Variants in SLC25A48 observed in about 807,000 individuals in gnomAD.
SLC25A48 encodes CTC-321K16.1.
In SLC25A48, 29 loss-of-function variants were observed where a neutral mutation model predicts 32.2. That is an observed-to-expected ratio of 0.90 (90% CI 0.67 to 1.23). The LOEUF is 1.23. Ranked by LOEUF, SLC25A48 falls within the 50% of genes most tolerant of loss-of-function variation. The pLI is 0.00. For synonymous variants in SLC25A48, 164 were observed against 172.3 expected (o/e 0.95, Z 0.38); for missense variants, 399 against 422.7 (o/e 0.94, Z 0.49).
intron 3 of SLC25A48, chr5:135,648,746 T>G (rs1306979848): frequency 6.6e-6 from 1 of 152,248 alleles, no homozygotes; most frequent in Non-Finnish European, 1.5e-5. Flanking sequence ...TGTAAATGAT[T>G]AAGATGCATT....
At chr5:135,659,331 G>A (rs1298112591) in intron 3 of SLC25A48, among the ~76,000 whole-genome samples, 2 of 152,172 alleles carry the variant, frequency 1.3e-5, no homozygotes, top group Non-Finnish European at 2.9e-5. Flanking sequence ...CAATCTCTTT[G>A]CTAAAGCATA....
chr5:135,598,934 G>C (rs2126882149), intron 1 of SLC25A48, among the ~76,000 whole-genome samples: 1 of 152,346 alleles, frequency 6.6e-6, no homozygotes, highest in South Asian at 2.1e-4. Flanking sequence ...AGCAAAAGTA[G>C]AGGGGAGTGC....
intron 2 of SLC25A48, among the ~76,000 whole-genome samples, chr5:135,634,528 C>T (rs1317347227): frequency 6.6e-6 from 1 of 152,202 alleles, no homozygotes; most frequent in Non-Finnish European, 1.5e-5. Context: ...CATGATTTCC[C>T]TAGGGAAACA....
chr5:135,784,626 T>C (rs1435883754), intron 3 of SLC25A48, among the ~76,000 whole-genome samples: 1 of 118,444 alleles, frequency 8.4e-6, no homozygotes, highest in African/African-American at 2.6e-5. Context: ...ACTCTCAATA[T>C]CGCATGGGGG....
rs1329230378 is a variant in SLC25A48 at position 135,783,999 on chromosome 5, C to T, written c.-520-28524C>T. On this transcript the variant is annotated intron_variant, in intron 3 of 10. Coordinates refer to the SLC25A48 transcript ENST00000646290. ...TGATATTGCTCCCAATATCGCAGGACGTGTACACTTATCCTGTGATATTGT... is the reference window on the plus strand; with the variant it reads ...TGATATTGCTCCCAATATCGCAGGATGTGTACACTTATCCTGTGATATTGT... Among the ~76,000 whole-genome samples, 2 of 116,954 alleles carry T rather than the reference C, an allele frequency of 1.7e-5. 1 individual carries two copies. The highest frequency in any genetic ancestry group is 4.2e-5 in the Non-Finnish European group (2 of 47,392). The allele number at this position is 116,954 out of a possible 152,430, so 76.7% of individuals were successfully genotyped here. A position where few individuals can be genotyped will look rare whatever the true frequency, so the allele number is the denominator to read the frequency against.
At chr5:135,599,520 C>T (rs935392917) in intron 1 of SLC25A48, among the ~76,000 whole-genome samples, 3 of 152,140 alleles carry the variant, frequency 2.0e-5, no homozygotes, top group Non-Finnish European at 2.9e-5. Flanking sequence ...TAGTCCAGCC[C>T]TTTATCAATC....
At chr5:135,633,060 G>A (rs186233125) in intron 2 of SLC25A48, among the ~76,000 whole-genome samples, 3 of 152,216 alleles carry the variant, frequency 2.0e-5, no homozygotes, top group Non-Finnish European at 2.9e-5. Context: ...GCCCTAAGAC[G>A]GGCAGTTATC....
At chr5:135,750,479 G>A (rs535407882) in intron 3 of SLC25A48, among the ~76,000 whole-genome samples, 6 of 152,142 alleles carry the variant, frequency 3.9e-5, no homozygotes, top group Non-Finnish European at 8.8e-5. Flanking sequence ...TTAAATGGCA[G>A]CTGGGAATGA....
chr5:135,612,585 C>CT (rs747307563), intron 1 of SLC25A48, among the ~76,000 whole-genome samples: 8 of 152,190 alleles, frequency 5.3e-5, no homozygotes, highest in Non-Finnish European at 7.4e-5. Context: ...ATTCTACTCT[C>CT]TATCTCCAGG....
intron 6 of SLC25A48, among the ~76,000 whole-genome samples, chr5:135,879,647 T>A (rs2126832459): frequency 6.6e-6 from 1 of 150,652 alleles, no homozygotes; most frequent in South Asian, 2.1e-4. Context: ...TGTGTGTACA[T>A]GTGAGAGAAG....
At chr5:135,728,799 C>T (rs1052814744) in intron 3 of SLC25A48, among the ~76,000 whole-genome samples, 3 of 151,522 alleles carry the variant, frequency 2.0e-5, no homozygotes, top group African/African-American at 4.9e-5. Context: ...CCTTTCACCT[C>T]AGTTTCATCC....
At chr5:135,751,782 A>G (rs1273950356) in intron 3 of SLC25A48, among the ~76,000 whole-genome samples, 1 of 152,154 alleles carries the variant, frequency 6.6e-6, no homozygotes, top group East Asian at 1.9e-4. Context: ...GCGATGAGCT[A>G]TTATCACACT....
At chr5:135,866,252 G>T (rs927979273) in intron 4 of SLC25A48, among the ~76,000 whole-genome samples, 1 of 152,238 alleles carries the variant, frequency 6.6e-6, no homozygotes, top group African/African-American at 2.4e-5. Flanking sequence ...CCCTTCCAGA[G>T]AGTGGCCAGG....
intron 3 of SLC25A48, among the ~76,000 whole-genome samples, chr5:135,773,024 G>A (rs565178839): frequency 1.5e-4 from 23 of 151,216 alleles, no homozygotes; most frequent in South Asian, 1.5e-3. Flanking sequence ...TCCCAATATC[G>A]CAGGGGGTGT....
At chr5:135,647,089 A>T (rs1752981627) in intron 3 of SLC25A48, among the ~76,000 whole-genome samples, 1 of 78 alleles carries the variant, frequency 0.013, no homozygotes, top group Non-Finnish European at 0.018. Context: ...ATGTGTACTT[A>T]TATCACACGT....
chr5:135,789,285 C>CCACG (rs1756954009), intron 3 of SLC25A48, among the ~76,000 whole-genome samples: 3 of 64,276 alleles, frequency 4.7e-5, no homozygotes, highest in African/African-American at 7.9e-5. Flanking sequence ...CACCCCCTGC[C>CCACG]ATATGTTTCG....
At chr5:135,595,788 G>T (rs1166297410) in intron 1 of SLC25A48, among the ~76,000 whole-genome samples, 2 of 152,212 alleles carry the variant, frequency 1.3e-5, no homozygotes, top group South Asian at 2.1e-4. Context: ...TAAAGCCCAT[G>T]ACAGTGACTG....
At chr5:135,590,381 T>G (rs1751492082) in intron 1 of SLC25A48, among the ~76,000 whole-genome samples, 1 of 152,158 alleles carries the variant, frequency 6.6e-6, no homozygotes, top group Admixed American at 6.5e-5. Context: ...TCCCTGCCCA[T>G]GGGCCCCCGG....
chr5:135,619,811 A>C (rs1446297850), intron 1 of SLC25A48, among the ~76,000 whole-genome samples: 1 of 152,018 alleles, frequency 6.6e-6, no homozygotes, highest in Non-Finnish European at 1.5e-5. Flanking sequence ...TATGGTTGTT[A>C]GGGGAGGCTA....
Sources: allele counts gnomAD v4.1 joint callset (sites outside exome capture counted in the v4.1 genomes callset), GRCh38; gene constraint gnomAD v4.1.1; transcripts MANE v1.5; gene names NCBI Gene and HGNC (gene_info 2026-07-23, HGNC 2026-07-21).